The following IQCM variants were observed in gnomAD, a reference collection of about 807,000 sequenced individuals.
IQCM encodes IQ domain-containing protein M.
A neutral mutation model predicts 57.6 loss-of-function variants in IQCM; 45 were observed. The observed-to-expected ratio is 0.78, with a 90% CI of 0.62 to 1.00. The LOEUF is 1.00. Among genes scored for constraint, IQCM ranks in the 50% least tolerant of loss-of-function variants. The probability of loss-of-function intolerance (pLI) is 0.00; values close to 1 mark genes in which losing one functional copy is unlikely to be tolerated. For synonymous variants in IQCM, 148 were observed against 158.9 expected (o/e 0.93, Z 0.51); for missense variants, 468 against 511.6 (o/e 0.91, Z 0.82).
chr4:149,355,723 T>C (rs1728924558), intron 13 of IQCM, among the ~76,000 whole-genome samples: 1 of 151,880 alleles, frequency 6.6e-6, no homozygotes, highest in African/African-American at 2.4e-5. Context: ...TGTGTCTTTA[T>C]AGCAGCATGA....
chr4:149,427,365 A>G (rs1734534122), intron 13 of IQCM, among the ~76,000 whole-genome samples: 1 of 152,040 alleles, frequency 6.6e-6, no homozygotes, highest in Non-Finnish European at 1.5e-5. Context: ...GTTAAGCAGT[A>G]TTGAGTGGTG....
chr4:149,396,468 A>T (rs951113192), intron 13 of IQCM, among the ~76,000 whole-genome samples: 3 of 151,996 alleles, frequency 2.0e-5, no homozygotes, highest in East Asian at 1.9e-4. Context: ...AGCATACATT[A>T]TACAGCTCTA....
In IQCM at chr4:149,744,140, C is replaced by T. The variant is rs563533162; in HGVS notation, c.-48-1401G>A. On this transcript the variant is annotated intron_variant, in intron 2 of 13. Coordinates refer to ENST00000636793, the MANE Select transcript of IQCM (RefSeq NM_001363507.2). ...ACTTTTCCTCAGCTTCTACCCAGAG[C>T]GGGGAAAATACCATTGCAGGTACAG... Among the ~76,000 whole-genome samples, 3 of 152,286 alleles carry T rather than the reference C, an allele frequency of 2.0e-5. No individual in the cohort carries two copies. The East Asian group carries it at 5.8e-4, about 29-fold the overall frequency.
chr4:149,363,897 G>A (rs1193943318), intron 13 of IQCM, among the ~76,000 whole-genome samples: 1 of 152,018 alleles, frequency 6.6e-6, no homozygotes, highest in Admixed American at 6.6e-5. Flanking sequence ...ATTTCAAGAA[G>A]GTTTTAAAAC....
chr4:149,403,319 T>C (rs1329362565), intron 13 of IQCM, among the ~76,000 whole-genome samples: 1 of 152,018 alleles, frequency 6.6e-6, no homozygotes, highest in Non-Finnish European at 1.5e-5. Context: ...ACTTACGTAG[T>C]TGGCAGAAGT....
intron 12 of IQCM, among the ~76,000 whole-genome samples, chr4:149,500,068 A>G (rs918222921): frequency 6.6e-6 from 1 of 152,208 alleles, no homozygotes; most frequent in African/African-American, 2.4e-5. Flanking sequence ...AGTTTAAATG[A>G]GCAACCAATA....
intron 10 of IQCM, among the ~76,000 whole-genome samples, chr4:149,561,887 T>C (rs1750158416): frequency 6.6e-6 from 1 of 152,152 alleles, no homozygotes; most frequent in East Asian, 1.9e-4. Context: ...TCAGCTCTGC[T>C]TGATGGACCA....
intron 12 of IQCM, among the ~76,000 whole-genome samples, chr4:149,467,244 T>C (rs998683980): frequency 9.2e-5 from 14 of 152,222 alleles, no homozygotes; most frequent in Non-Finnish European, 1.6e-4. Context: ...AAAGCTGAGA[T>C]GCTGTAATCT....
intron 12 of IQCM, among the ~76,000 whole-genome samples, chr4:149,533,787 C>T (rs879692567): frequency 6.6e-6 from 1 of 152,098 alleles, no homozygotes; most frequent in Admixed American, 6.6e-5. Context: ...GAATCCCTCC[C>T]ATCACATGTG....
At chr4:149,574,541 T>C (rs1751460693) in intron 9 of IQCM, among the ~76,000 whole-genome samples, 1 of 151,890 alleles carries the variant, frequency 6.6e-6, no homozygotes, top group African/African-American at 2.4e-5. Context: ...TCAAATCAAA[T>C]AGTTTTCAGA....
chr4:149,512,579 A>C (rs1744539709), intron 12 of IQCM, among the ~76,000 whole-genome samples: 1 of 152,148 alleles, frequency 6.6e-6, no homozygotes, highest in African/African-American at 2.4e-5. Context: ...TTGTGCAGAC[A>C]GTTGAATTAT....
chr4:149,811,921 A>C (rs971356699), intron 2 of IQCM, among the ~76,000 whole-genome samples: 1 of 152,206 alleles, frequency 6.6e-6, no homozygotes, highest in African/African-American at 2.4e-5. Context: ...AATTTCAAAC[A>C]GTTCAAAAAA....
At chr4:149,530,492 G>C in intron 12 of IQCM, among the ~76,000 whole-genome samples, 1 of 152,128 alleles carries the variant, frequency 6.6e-6, no homozygotes, top group Admixed American at 6.5e-5. Context: ...ATACAGAATT[G>C]ACACATAGAC....
At chr4:149,652,489 T>C (rs986808420) in intron 7 of IQCM, among the ~76,000 whole-genome samples, 9 of 151,754 alleles carry the variant, frequency 5.9e-5, no homozygotes, top group Admixed American at 3.9e-4. Flanking sequence ...AACCATAGCA[T>C]AAAAACCAAA....
At chr4:149,812,480 T>TCTCACACACA (rs1459401671) in intron 2 of IQCM, among the ~76,000 whole-genome samples, 1 of 138,810 alleles carries the variant, frequency 7.2e-6, no homozygotes, top group African/African-American at 2.7e-5. Flanking sequence ...TCTCTCTCTC[T>TCTCACACACA]CACACACACA....
intron 9 of IQCM, among the ~76,000 whole-genome samples, chr4:149,573,424 G>C (rs1751351261): frequency 6.6e-6 from 1 of 151,744 alleles, no homozygotes; most frequent in Non-Finnish European, 1.5e-5. Context: ...GCAAATTCCT[G>C]ATTAGATGCT....
rs543141193 is a variant in IQCM at position 149,578,590 on chromosome 4, C to T, written c.749+9340G>A. The stretch of plus-strand genomic sequence containing the variant: ...TTAGTCAGTCATGGAGAAGAGCTGA[C>T]TCTACCTACTCCCATCCGTCTCTCT... On this transcript the variant is annotated intron_variant, in intron 9 of 13. Transcript: ENST00000636793. 7.2e-5 allele frequency among the ~76,000 whole-genome samples: 11 copies of T among 151,908 alleles called. No individual in the cohort carries two copies. In the East Asian group the frequency reaches 1.4e-3, roughly 19 times the overall value.
At chr4:149,546,801 C>T (rs1169866589) in intron 12 of IQCM, among the ~76,000 whole-genome samples, 1 of 152,094 alleles carries the variant, frequency 6.6e-6, no homozygotes, top group East Asian at 1.9e-4. Flanking sequence ...GTTTCTTTTG[C>T]TGTGCAGAAG....
chr4:149,699,947 G>C (rs1763642130), intron 5 of IQCM, among the ~76,000 whole-genome samples: 1 of 151,902 alleles, frequency 6.6e-6, no homozygotes, highest in Admixed American at 6.6e-5. Flanking sequence ...TGCAGCGGAG[G>C]AGGGGGAAAT....
Sources: gnomAD v4.1 joint callset for allele counts (sites outside exome capture counted in the v4.1 genomes callset) on GRCh38, gnomAD v4.1.1 for gene constraint, MANE v1.5 for transcripts, NCBI Gene and HGNC (gene_info 2026-07-23, HGNC 2026-07-21) for gene names.